COA1: variants seen among roughly 807,000 people sequenced by gnomAD.
COA1 encodes the protein cytochrome c oxidase assembly factor 1, also known as cytochrome c oxidase assembly factor 1 homolog.
COA1 carries 13 observed loss-of-function variants against 16.0 expected under a neutral mutation model. The ratio of observed to expected loss-of-function variants is 0.81; its 90% confidence interval spans 0.53 to 1.29. COA1 has a LOEUF of 1.29. Ranked by LOEUF, COA1 falls within the 50% of genes most tolerant of loss-of-function variation. COA1 has a pLI of 0.00. For synonymous variants in COA1, 65 were observed against 65.7 expected (o/e 0.99, Z 0.05); for missense variants, 179 against 177.0 (o/e 1.01, Z -0.06).
intron 1 of COA1, among the ~76,000 whole-genome samples, chr7:43,680,814 C>A (rs1013156051): frequency 1.3e-5 from 2 of 152,004 alleles, no homozygotes; most frequent in African/African-American, 4.8e-5. Flanking sequence ...ACAAAAAATA[C>A]AAAAGAATTA....
intron 1 of COA1, among the ~76,000 whole-genome samples, chr7:43,693,395 T>C (rs1351584982): frequency 1.3e-5 from 2 of 152,132 alleles, no homozygotes; most frequent in Non-Finnish European, 2.9e-5. Context: ...TTAATATCTG[T>C]AGAGATCATC....
chr7:43,684,258 C>T (rs1032856809), intron 1 of COA1, among the ~76,000 whole-genome samples: 1 of 152,166 alleles, frequency 6.6e-6, no homozygotes, highest in Non-Finnish European at 1.5e-5. Context: ...AGGGTTCGCA[C>T]TCCTATAAGA....
intron 1 of COA1, among the ~76,000 whole-genome samples, chr7:43,709,606 T>G (rs2095144936): frequency 6.6e-6 from 1 of 152,218 alleles, no homozygotes; most frequent in Non-Finnish European, 1.5e-5. Context: ...TATTACTTAT[T>G]CTGTCCCACC....
downstream of COA1, among the ~76,000 whole-genome samples, chr7:43,638,289 C>A (rs943745267): frequency 6.6e-6 from 1 of 150,704 alleles, no homozygotes; most frequent in African/African-American, 2.4e-5. Flanking sequence ...GAAGAGAGCT[C>A]ATGGCTGTCC....
intron 6 of COA1, chr7:43,624,893 T>A (rs750480703): frequency 1.4e-5 from 20 of 1,477,088 alleles, no homozygotes; most frequent in Non-Finnish European, 1.8e-5. Context: ...AATGTTAATA[T>A]TATTTATGGA....
downstream of COA1, among the ~76,000 whole-genome samples, chr7:43,638,521 T>C (rs2086286557): frequency 6.6e-6 from 1 of 151,894 alleles, no homozygotes; most frequent in South Asian, 2.1e-4. Flanking sequence ...TAAGAACCTA[T>C]TAGCTTTCTT....
At chr7:43,696,277 A>C (rs1329972446) in intron 1 of COA1, among the ~76,000 whole-genome samples, 1 of 152,222 alleles carries the variant, frequency 6.6e-6, no homozygotes, top group African/African-American at 2.4e-5. Flanking sequence ...AAACCATCAG[A>C]TCTTGTGAGA....
intron 1 of COA1, chr7:43,650,831 A>C (rs1013221793): frequency 4.5e-4 from 69 of 151,918 alleles, no homozygotes; most frequent in African/African-American, 1.6e-3. Flanking sequence ...AAAAAAAAAA[A>C]CAGAAGAATT....
intron 6 of COA1, among the ~76,000 whole-genome samples, chr7:43,620,870 G>A (rs10247197): frequency 0.15 from 22,119 of 152,134 alleles, 2,167 homozygotes; most frequent in Non-Finnish European, 0.21. Context: ...GAGAAGAGGA[G>A]GGCGGCCGTG....
intron 1 of COA1, among the ~76,000 whole-genome samples, chr7:43,675,600 T>A (rs377573014): frequency 6.6e-6 from 1 of 152,092 alleles, no homozygotes; most frequent in East Asian, 1.9e-4. Context: ...TAAAGTATAA[T>A]AATAATAAAA....
At chr7:43,720,591 A>G (rs2095487327) in intron 1 of COA1, among the ~76,000 whole-genome samples, 1 of 152,224 alleles carries the variant, frequency 6.6e-6, no homozygotes, top group South Asian at 2.1e-4. Flanking sequence ...AGGAAGCAGT[A>G]TATCTAGGTG....
chr7:43,617,870 A>G (rs2083488476), intron 6 of COA1, among the ~76,000 whole-genome samples: 2 of 152,192 alleles, frequency 1.3e-5, no homozygotes, highest in African/African-American at 4.8e-5. Context: ...AGGAGATGGA[A>G]GACACAGCCA....
At chr7:43,610,401 C>T (rs1027100496) in intron 6 of COA1, among the ~76,000 whole-genome samples, 1 of 145,498 alleles carries the variant, frequency 6.9e-6, no homozygotes, top group Non-Finnish European at 1.5e-5. Context: ...TGTGGTGGCT[C>T]ATGCCTGTAA....
intron 1 of COA1, among the ~76,000 whole-genome samples, chr7:43,665,207 C>CA (rs2092798036): frequency 6.6e-6 from 1 of 152,026 alleles, no homozygotes; most frequent in South Asian, 2.1e-4. Flanking sequence ...GGGAAAAAAA[C>CA]AGACATTTTC....
intron 1 of COA1, among the ~76,000 whole-genome samples, chr7:43,670,904 A>G (rs2093219819): frequency 6.6e-6 from 1 of 152,238 alleles, no homozygotes; most frequent in Admixed American, 6.5e-5. Flanking sequence ...CCAATAAATT[A>G]TCAGTAAATT....
intron 1 of COA1, among the ~76,000 whole-genome samples, chr7:43,705,899 G>A (rs1185812852): frequency 3.9e-5 from 6 of 152,210 alleles, no homozygotes; most frequent in South Asian, 4.1e-4. Context: ...CCGACAAACC[G>A]TGGTGCTTGG....
At chr7:43,633,633 A>T (rs28788555) in intron 6 of COA1, among the ~76,000 whole-genome samples, 22,239 of 152,216 alleles carry the variant, frequency 0.15, 2,179 homozygotes, top group Non-Finnish European at 0.21. Context: ...CAAAGTGAGC[A>T]CAAGCTGTTG....
At chr7:43,614,157 C>T (rs555687203) in intron 6 of COA1, among the ~76,000 whole-genome samples, 16 of 152,246 alleles carry the variant, frequency 1.1e-4, no homozygotes, top group African/African-American at 3.1e-4. Flanking sequence ...TGATCTTAGC[C>T]GCCAAATCTT....
chr7:43,700,432 TATTCTGACTC>T (rs2094682942), intron 1 of COA1, among the ~76,000 whole-genome samples: 1 of 151,888 alleles, frequency 6.6e-6, no homozygotes, highest in African/African-American at 2.4e-5. Flanking sequence ...TCTAGACCCA[TATTCTGACTC>T]ATTCCGGCCT....
Sources: gnomAD v4.1 joint callset for allele counts (sites outside exome capture counted in the v4.1 genomes callset) on GRCh38, gnomAD v4.1.1 for gene constraint, MANE v1.5 for transcripts, NCBI Gene and HGNC (gene_info 2026-07-23, HGNC 2026-07-21) for gene names.